XRCC5: variants seen among roughly 807,000 people sequenced by gnomAD.
XRCC5 encodes X-ray repair cross complementing 5.
XRCC5 carries 12 observed loss-of-function variants against 95.7 expected under a neutral mutation model. The ratio of observed to expected loss-of-function variants is 0.13; its 90% CI spans 0.08 to 0.20. The LOEUF is 0.20. Among genes scored for constraint, XRCC5 ranks in the 10% least tolerant of loss-of-function variants. XRCC5 has a pLI of 1.00. For missense variants in XRCC5, 595 were observed against 873.9 expected (o/e 0.68, Z 4.02); for synonymous variants, 281 against 290.3 (o/e 0.97, Z 0.33).
In XRCC5 at chr2:216,123,801, G is replaced by A. The variant is rs1986200; in HGVS notation, c.683+1548G>A. On this transcript the variant is annotated intron_variant, in intron 6 of 20. Transcript: ENST00000392132. ...AGCCTGGGTGACAGAGCGAGACTCC[G>A]TCTCAAAAAGAAAAGAAAAATTAGA... Among the ~76,000 whole-genome samples the A allele has an allele frequency of 7.6e-3, 1,156 of 152,214 alleles. 46 individuals are homozygous for A. Among genetic ancestry groups the A allele is most frequent in the Admixed American group, 0.065 (989 of 15,286 alleles).
intron 7 of XRCC5, among the ~76,000 whole-genome samples, chr2:216,126,302 T>C (rs1216078863): frequency 6.6e-6 from 1 of 152,238 alleles, no homozygotes; most frequent in Non-Finnish European, 1.5e-5. Context: ...GTTCTAGGCC[T>C]GTCTCTTTTT....
At chr2:216,140,424 G>A (rs1212020749) in intron 12 of XRCC5, among the ~76,000 whole-genome samples, 2 of 152,224 alleles carry the variant, frequency 1.3e-5, no homozygotes, top group Admixed American at 6.5e-5. Context: ...TTAGGCAGAA[G>A]TATTTTTGGG....
At chr2:216,175,378 G>A in intron 16 of XRCC5, 1 of 493,316 alleles carries the variant, frequency 2.0e-6, no homozygotes. Context: ...AACCCATAAA[G>A]TTGTCAGATC....
chr2:216,192,331 G>A (rs1689629067), intron 17 of XRCC5, among the ~76,000 whole-genome samples: 1 of 152,072 alleles, frequency 6.6e-6, no homozygotes, highest in Admixed American at 6.6e-5. Flanking sequence ...ATGAGTGTGC[G>A]AGCACTCACT....
rs565198216 is a variant in XRCC5, at chr2:216,180,723, A to T, written c.1835-9502A>T. ...GAAGGGCATTCTAAGGAAGGCAACC[A>T]CCTAAGTGATGGCGTGTCCTGATGT... On this transcript the variant is annotated intron_variant, in intron 16 of 20. Coordinates refer to ENST00000392132, the MANE Select transcript of XRCC5 (RefSeq NM_021141.4). 3.7e-3 allele frequency among the ~76,000 whole-genome samples: 563 copies of T among 152,252 alleles called. 4 individuals are homozygous for T. The highest frequency in any genetic ancestry group is 8.5e-3 in the South Asian group (41 of 4,830).
chr2:216,192,686 G>A lies in XRCC5; in HGVS notation c.1992G>A (p.Glu664=). The change falls in exon 18 of 21, where the codon GAG becomes GAA. Residue 664 remains glutamate (E), a synonymous_variant. Transcript: ENST00000392132. ...ACAACTTCCTGAAAGCCCTTCAAGA[G>A]AAAGTGGAAATTAAACAATTAAATC... The part of the protein sequence containing the change: ...RFNNFLKALQ[E]KVEIKQLNHF... 1 of 1,600,586 alleles carries A rather than the reference G, an allele frequency of 6.2e-7. No individual in the cohort carries two copies. The highest frequency in any genetic ancestry group is 8.5e-7 in the Non-Finnish European group (1 of 1,173,010).
At chr2:216,151,859 A>G (rs557460025) in intron 14 of XRCC5, among the ~76,000 whole-genome samples, 2 of 152,312 alleles carry the variant, frequency 1.3e-5, no homozygotes, top group Non-Finnish European at 2.9e-5. Flanking sequence ...AGACTGGGTA[A>G]TTTCTAAAGG....
chr2:216,196,514 G>C (rs898480052), intron 19 of XRCC5, among the ~76,000 whole-genome samples: 1 of 152,078 alleles, frequency 6.6e-6, no homozygotes, highest in African/African-American at 2.4e-5. Flanking sequence ...GCGTGTGTCT[G>C]TGTGTGTGTA....
intron 19 of XRCC5, among the ~76,000 whole-genome samples, chr2:216,198,532 C>A (rs1368034830): frequency 7.2e-6 from 1 of 138,088 alleles, no homozygotes; most frequent in Non-Finnish European, 1.6e-5. Context: ...ATGAAAAATG[C>A]TTTTATTTAT....
chr2:216,138,505 C>T (rs1469935651), intron 12 of XRCC5, among the ~76,000 whole-genome samples: 1 of 152,190 alleles, frequency 6.6e-6, no homozygotes. Flanking sequence ...AGTATCAAAC[C>T]TGTGACTTTA....
chr2:216,167,883 T>C (rs769106294), intron 16 of XRCC5, among the ~76,000 whole-genome samples: 6 of 152,172 alleles, frequency 3.9e-5, no homozygotes, highest in African/African-American at 2.4e-5. Flanking sequence ...CCAAATAGCA[T>C]TGATACATCT....
At chr2:216,158,886 T>C (rs1428124564) in intron 14 of XRCC5, among the ~76,000 whole-genome samples, 1 of 152,224 alleles carries the variant, frequency 6.6e-6, no homozygotes, top group Admixed American at 6.5e-5. Flanking sequence ...ATTTTTAAAA[T>C]TTATTTTTGC....
chr2:216,138,999 C>T (rs1574461955), intron 12 of XRCC5, among the ~76,000 whole-genome samples: 1 of 152,114 alleles, frequency 6.6e-6, no homozygotes, highest in African/African-American at 2.4e-5. Flanking sequence ...GTCCCTAGGG[C>T]CTGTATCTTT....
intron 16 of XRCC5, among the ~76,000 whole-genome samples, chr2:216,178,908 C>T (rs1273301348): frequency 6.6e-6 from 1 of 152,166 alleles, no homozygotes; most frequent in African/African-American, 2.4e-5. Flanking sequence ...AGGCCTACAC[C>T]ATTTATTCAT....
At chr2:216,137,970 T>C in intron 11 of XRCC5, 119 bp from the exon 12 acceptor site, 5 of 787,770 alleles carry the variant, frequency 6.3e-6, no homozygotes, top group Non-Finnish European at 1.0e-5. Flanking sequence ...TATGCCAGAG[T>C]TGGGCTGTCC....
chr2:216,197,152 G>C (rs1047460285), intron 19 of XRCC5, among the ~76,000 whole-genome samples: 1 of 152,160 alleles, frequency 6.6e-6, no homozygotes, highest in Non-Finnish European at 1.5e-5. Context: ...ATTGTGCAAG[G>C]CTTGTTCTGT....
intron 5 of XRCC5, among the ~76,000 whole-genome samples, chr2:216,119,717 A>G (rs749457284): frequency 6.6e-6 from 1 of 152,230 alleles, no homozygotes; most frequent in Non-Finnish European, 1.5e-5. Flanking sequence ...GAGATGGAGT[A>G]TAAAACTTCA....
At chr2:216,150,596 CAA>C (rs990163790) in intron 14 of XRCC5, among the ~76,000 whole-genome samples, 10 of 152,216 alleles carry the variant, frequency 6.6e-5, no homozygotes, top group East Asian at 3.9e-4. Context: ...GCATTTGTAA[CAA>C]AGAGGTATTT....
intron 10 of XRCC5, among the ~76,000 whole-genome samples, chr2:216,132,897 G>C (rs560495713): frequency 3.3e-5 from 5 of 152,250 alleles, no homozygotes; most frequent in African/African-American, 1.2e-4. Context: ...TTTACTGTTT[G>C]ATCTCCAAGT....
Sources: gnomAD v4.1 joint callset for allele counts (sites outside exome capture counted in the v4.1 genomes callset) on GRCh38, gnomAD v4.1.1 for gene constraint, MANE v1.5 for transcripts, NCBI Gene and HGNC (gene_info 2026-07-23, HGNC 2026-07-21) for gene names.